DNAJC13: variants seen among roughly 807,000 people sequenced by gnomAD.
DNAJC13 encodes the protein DnaJ heat shock protein family (Hsp40) member C13, also known as dnaJ homolog subfamily C member 13.
In DNAJC13, 75 loss-of-function variants were observed where a neutral mutation model predicts 290.5. That is an observed-to-expected ratio of 0.26 (90% CI 0.21 to 0.31). DNAJC13 has a LOEUF of 0.31. Among genes scored for constraint, DNAJC13 ranks in the 10% least tolerant of loss-of-function variants. The pLI is 1.00. For missense variants in DNAJC13, 2,260 were observed against 2,674.5 expected (o/e 0.85, Z 3.42); for synonymous variants, 862 against 892.0 (o/e 0.97, Z 0.60).
rs78150803 is a variant in DNAJC13, at chr3:132,498,613, G to T, written c.4157-513G>T. 7.0e-3 allele frequency among the ~76,000 whole-genome samples: 1,070 copies of T among 152,166 alleles called. 10 individuals carry two copies. The highest frequency in any genetic ancestry group is 0.024 in the African/African-American group (1,011 of 41,528). Reference sequence around the variant, plus strand: ...TTTACTAGAAAGGAAGGATCCAAGGGATTTTATAGTAGGTTTAATTTCTTT... The same window carrying T: ...TTTACTAGAAAGGAAGGATCCAAGGTATTTTATAGTAGGTTTAATTTCTTT... On this transcript the variant is annotated intron_variant, in intron 36 of 55. Transcript: ENST00000260818.
At chr3:132,508,715 T>C (rs1236530109) in intron 43 of DNAJC13, among the ~76,000 whole-genome samples, 1 of 152,220 alleles carries the variant, frequency 6.6e-6, no homozygotes, top group Non-Finnish European at 1.5e-5. Context: ...CAAACTTCAG[T>C]ATTCCAGGTA....
Position 132,538,734 on chromosome 3 carries a change from G to A in DNAJC13, c.*452G>A, listed in dbSNP as rs529192980. 1.0e-4 allele frequency: 16 copies of A among 155,352 alleles called. No homozygotes were observed. The South Asian group carries it at 3.2e-3, about 31-fold the overall frequency. 9.6% of individuals were successfully genotyped at this position (155,352 alleles called of 1,614,324 possible). A position where few individuals can be genotyped will look rare whatever the true frequency, so the allele number is the denominator to read the frequency against. The stretch of plus-strand genomic sequence containing the variant: ...TGGCCATCCTCCCCCCACCATCCAA[G>A]ACTATTAGGTTTTGTCCCTGCACCC... On this transcript the variant is annotated 3_prime_UTR_variant, in exon 56 of 56. Coordinates refer to ENST00000260818, the MANE Select transcript of DNAJC13 (RefSeq NM_015268.4).
chr3:132,488,010 A>C (rs760481672), intron 29 of DNAJC13, among the ~76,000 whole-genome samples: 32 of 152,158 alleles, frequency 2.1e-4, no homozygotes, highest in Admixed American at 9.8e-4. Flanking sequence ...AGATTCTTGC[A>C]CAAGAAGCAA....
chr3:132,458,607 C>T (rs1933695328), intron 13 of DNAJC13, among the ~76,000 whole-genome samples: 1 of 152,062 alleles, frequency 6.6e-6, no homozygotes, highest in Admixed American at 6.6e-5. Context: ...TTTAGGTGCT[C>T]TATGTCAGGA....
intron 2 of DNAJC13, among the ~76,000 whole-genome samples, chr3:132,439,207 A>AG (rs1351966465): frequency 6.6e-6 from 1 of 152,214 alleles, no homozygotes; most frequent in Non-Finnish European, 1.5e-5. Context: ...TGTAATGATC[A>AG]GTCTATGAAA....
At chr3:132,470,852 C>G (rs1456438155) in intron 20 of DNAJC13, among the ~76,000 whole-genome samples, 1 of 135,074 alleles carries the variant, frequency 7.4e-6, no homozygotes, top group African/African-American at 2.8e-5. Flanking sequence ...CTGATCCCCC[C>G]ACCTCCCTCC....
In DNAJC13 at chr3:132,474,978, A is replaced by G. The variant is rs1934421681; in HGVS notation, c.2338A>G (p.Thr780Ala). 6.2e-7 allele frequency: 1 copy of G among 1,611,868 alleles called. No homozygotes were observed. Among genetic ancestry groups the G allele is most frequent in the Non-Finnish European group, 8.5e-7 (1 of 1,179,028 alleles). ...GTCAAACCTTATTTGGAATTTCAAA[A>G]CACGAGAAGAACTGAAAGATACTCT... is the stretch of plus-strand genomic sequence containing the variant. Reference protein sequence around the residue: ...ARSNLIWNFKTREELKDTLES... With the variant: ...ARSNLIWNFKAREELKDTLES... Residue 780 changes from threonine (T) to alanine (A), a missense_variant, in exon 22 of 56, where the codon ACA becomes GCA. Around this residue, in one of 3 missense-constraint regions of DNAJC13, gnomAD observed 762 missense variants for 964.1 expected, o/e 0.79. Coordinates refer to ENST00000260818, the MANE Select transcript of DNAJC13 (RefSeq NM_015268.4).
chr3:132,425,239 T>C (rs549344751), intron 1 of DNAJC13, among the ~76,000 whole-genome samples: 2 of 152,192 alleles, frequency 1.3e-5, no homozygotes, highest in Admixed American at 1.3e-4. Context: ...TGGTAAGATA[T>C]AGCTGTAGGA....
At chr3:132,506,045 C>CTTTTATTTTTTTT (rs1935574053) in intron 42 of DNAJC13, among the ~76,000 whole-genome samples, 1 of 72,648 alleles carries the variant, frequency 1.4e-5, no homozygotes, top group African/African-American at 4.3e-5. Context: ...TGTACATTAT[C>CTTTTATTTTTTTT]TTTTTTTTTT....
At chr3:132,478,233 A>C in intron 24 of DNAJC13, 93 bp downstream of exon 24, 2 of 1,078,116 alleles carry the variant, frequency 1.9e-6, no homozygotes, top group South Asian at 2.0e-5. Context: ...GTTTGATCAC[A>C]TTATTACTGT....
Position 132,522,956 on chromosome 3 carries a change from C to T in DNAJC13, c.5802C>T (p.Ser1934=). Residue 1934 remains serine (S), a synonymous_variant, in exon 49 of 56, where the codon TCC becomes TCT. Coordinates refer to ENST00000260818, the MANE Select transcript of DNAJC13 (RefSeq NM_015268.4). The part of the protein sequence containing the change: ...ENPELIWNDN[S]RDKVSTTVRE... ...CTGAGTTAATTTGGAATGATAATTC[C>T]AGAGATAAAGTGTCCACAACAGTTA... 6.2e-7 allele frequency: 1 copy of T among 1,613,054 alleles called. No homozygotes were observed. Among genetic ancestry groups the T allele is most frequent in the East Asian group, 2.2e-5 (1 of 44,814 alleles).
chr3:132,523,701 G>A lies in DNAJC13; in HGVS notation c.6048G>A (p.Lys2016=). The A allele has an allele frequency of 1.2e-6, 2 of 1,613,116 alleles. No homozygotes were observed. Reference sequence around the variant, plus strand: ...AAAAATTAACTGAGCTCCTAGAGAAGAACAATCCTCATGTAAGCTTCAGTC... The same window carrying A: ...AAAAATTAACTGAGCTCCTAGAGAAAAACAATCCTCATGTAAGCTTCAGTC... ...LLEKLTELLE[K]NNPHGETLET... Residue 2016 remains lysine, a synonymous_variant, in exon 51 of 56, where the codon AAG becomes AAA. Transcript: ENST00000260818.
chr3:132,477,852 G>A lies in DNAJC13; in HGVS notation c.2509G>A (p.Glu837Lys), dbSNP rs756700114. 6.2e-7 allele frequency: 1 copy of A among 1,613,540 alleles called. No individual in the cohort carries two copies. Among genetic ancestry groups the A allele is most frequent in the Non-Finnish European group, 8.5e-7 (1 of 1,179,744 alleles). ...AGACTATTACCTGAGATTACTATTG[G>A]AGGAAGATGAGAATGAAGAAAGTGG... is the stretch of plus-strand genomic sequence containing the variant. ...IGDYYLRLLL[E>K]EDENEESGSI... The change falls in exon 23 of 56, where the codon GAG becomes AAG. Residue 837 changes from glutamate (E) to lysine (K), a missense_variant. Physicochemically the swap from Glu to Lys is moderately conservative, Grantham distance 56. Coordinates refer to ENST00000260818, the MANE Select transcript of DNAJC13 (RefSeq NM_015268.4).
At chr3:132,454,383 G>A (rs762278916) in intron 9 of DNAJC13, among the ~76,000 whole-genome samples, 6 of 142,392 alleles carry the variant, frequency 4.2e-5, no homozygotes, top group Non-Finnish European at 7.5e-5. Flanking sequence ...GTGCTATGGC[G>A]TGATCTTGGC....
intron 1 of DNAJC13, among the ~76,000 whole-genome samples, chr3:132,426,712 A>G (rs1008276050): frequency 6.6e-6 from 1 of 152,146 alleles, no homozygotes; most frequent in Non-Finnish European, 1.5e-5. Context: ...CCTATAAGTG[A>G]TGATTTTTTT....
rs568933101 is a variant in DNAJC13, at chr3:132,517,016, G to A, written c.5673+200G>A. Among the ~76,000 whole-genome samples, 26 of 152,284 alleles carry A rather than the reference G, an allele frequency of 1.7e-4. No homozygotes were observed. The East Asian group carries it at 4.8e-3, about 28-fold the overall frequency. On this transcript the variant is annotated intron_variant, in intron 48 of 55. Coordinates refer to ENST00000260818, the MANE Select transcript of DNAJC13 (RefSeq NM_015268.4). Reference sequence around the variant, plus strand: ...ACTAGAGTCAGGGCAGGCTGTACTGGAATTGAAAAGTCTTAAGAGAATGTT... The same window carrying A: ...ACTAGAGTCAGGGCAGGCTGTACTGAAATTGAAAAGTCTTAAGAGAATGTT...
chr3:132,516,845 A>G (rs752964228), intron 48 of DNAJC13, 29 bp downstream of exon 48: 34 of 1,524,298 alleles, frequency 2.2e-5, no homozygotes, highest in Non-Finnish European at 3.0e-5. Flanking sequence ...CTTGAAAGGA[A>G]ATTAATTATT....
intron 1 of DNAJC13, among the ~76,000 whole-genome samples, chr3:132,419,520 G>T (rs1938895817): frequency 6.6e-6 from 1 of 152,176 alleles, no homozygotes; most frequent in South Asian, 2.1e-4. Flanking sequence ...TTTGTTAAAA[G>T]GTTGATAGTG....
chr3:132,492,735 G>A, intron 33 of DNAJC13, 120 bp downstream of exon 33: 1 of 793,370 alleles, frequency 1.3e-6, no homozygotes, highest in Non-Finnish European at 2.0e-6. Flanking sequence ...TCCTTCTTAA[G>A]CACTAAGCAC....
Sources: gnomAD v4.1 joint callset for allele counts (sites outside exome capture counted in the v4.1 genomes callset) on GRCh38, gnomAD v4.1.1 for gene constraint, gnomAD v4.1.1 regional missense constraint, MANE v1.5 for transcripts, NCBI Gene and HGNC (gene_info 2026-07-23, HGNC 2026-07-21) for gene names.